The following GARRE1 variants were observed in gnomAD, a reference collection of about 807,000 sequenced individuals.
GARRE1 encodes granule associated Rac and RHOG effector protein 1.
Under a neutral mutation model 103.2 loss-of-function variants are expected in GARRE1, and 49 were observed. The ratio of observed to expected loss-of-function variants is 0.47; its 90% confidence interval spans 0.38 to 0.60. The LOEUF is 0.60. Ranked by LOEUF, GARRE1 falls within the 20% of genes least tolerant of loss-of-function variation. GARRE1 has a pLI of 0.00. For synonymous variants in GARRE1, 505 were observed against 532.8 expected, an observed-to-expected ratio of 0.95 and a Z score of 0.72; for missense variants, 1,199 against 1,370.5, an observed-to-expected ratio of 0.87 and a Z score of 1.98.
At chr19:34,345,127 C>T (rs1194372428) in intron 10 of GARRE1, among the ~76,000 whole-genome samples, 3 of 151,688 alleles carry the variant, frequency 2.0e-5, no homozygotes, top group African/African-American at 4.8e-5. Flanking sequence ...CATGAGCCAC[C>T]GCGCCCATAG....
At chr19:34,338,006 G>A (rs2074168847) in intron 8 of GARRE1, among the ~76,000 whole-genome samples, 1 of 152,164 alleles carries the variant, frequency 6.6e-6, no homozygotes, top group Non-Finnish European at 1.5e-5. Flanking sequence ...GGTCTAGCTG[G>A]GCACTAGCAG....
intron 1 of GARRE1, among the ~76,000 whole-genome samples, chr19:34,292,394 G>A (rs1334096863): frequency 1.3e-5 from 2 of 152,044 alleles, no homozygotes; most frequent in African/African-American, 2.4e-5. Context: ...CAATTGGGTC[G>A]TTACTACTTT....
intron 9 of GARRE1, among the ~76,000 whole-genome samples, 180 bp downstream of exon 9, chr19:34,340,172 A>C (rs2145278283): frequency 6.6e-6 from 1 of 152,284 alleles, no homozygotes; most frequent in Middle Eastern, 3.4e-3. Flanking sequence ...AATAATACAA[A>C]GAACTGCTCC....
At chr19:34,296,333 A>G in intron 1 of GARRE1, 5 of 947,120 alleles carry the variant, frequency 5.3e-6, no homozygotes, top group Non-Finnish European at 6.7e-6. Flanking sequence ...CTGGAACTGA[A>G]GCTGGAGCTG....
intron 5 of GARRE1, 52 bp from the exon 6 acceptor site, chr19:34,327,938 T>C: frequency 6.2e-7 from 1 of 1,613,866 alleles, no homozygotes; most frequent in Non-Finnish European, 8.5e-7. Flanking sequence ...ACCAAGTGTT[T>C]TGACAGATGA....
chr19:34,316,049 A>G (rs1452210395), intron 2 of GARRE1, among the ~76,000 whole-genome samples: 2 of 152,210 alleles, frequency 1.3e-5, no homozygotes, highest in African/African-American at 2.4e-5. Flanking sequence ...ATAGGTAGAA[A>G]GAGTAGCCTG....
chr19:34,256,490 A>G (rs1222416175), intron 1 of GARRE1, among the ~76,000 whole-genome samples: 2 of 151,490 alleles, frequency 1.3e-5, no homozygotes, highest in Non-Finnish European at 2.9e-5. Flanking sequence ...ACTGCGCTCC[A>G]GCCTGGGCAA....
At chr19:34,342,928 T>C (rs1320370507) in intron 10 of GARRE1, among the ~76,000 whole-genome samples, 1 of 151,556 alleles carries the variant, frequency 6.6e-6, no homozygotes, top group Non-Finnish European at 1.5e-5. Flanking sequence ...GGCTAGACAA[T>C]GAAAATACCA....
intron 2 of GARRE1, among the ~76,000 whole-genome samples, chr19:34,318,199 C>T (rs918046410): frequency 1.3e-5 from 2 of 152,194 alleles, no homozygotes; most frequent in African/African-American, 4.8e-5. Context: ...CAAGAAGAAA[C>T]AGCTCTGACT....
intron 8 of GARRE1, among the ~76,000 whole-genome samples, chr19:34,337,656 T>A (rs899936834): frequency 9.2e-5 from 14 of 152,176 alleles, no homozygotes; most frequent in African/African-American, 2.9e-4. Context: ...GTAGAGGGTT[T>A]TAGGCAAGTC....
intron 10 of GARRE1, among the ~76,000 whole-genome samples, chr19:34,344,262 T>C (rs1599782184): frequency 3.3e-5 from 5 of 152,288 alleles, no homozygotes; most frequent in African/African-American, 1.2e-4. Flanking sequence ...CAAATAAGTA[T>C]AGCAAATACT....
At chr19:34,317,518 C>A (rs2074065569) in intron 2 of GARRE1, among the ~76,000 whole-genome samples, 1 of 152,174 alleles carries the variant, frequency 6.6e-6, no homozygotes, top group Non-Finnish European at 1.5e-5. Flanking sequence ...CTCACTCCCC[C>A]TCCCTGTGTC....
chr19:34,307,210 C>T (rs550017217), intron 2 of GARRE1, among the ~76,000 whole-genome samples: 281 of 152,220 alleles, frequency 1.8e-3, no homozygotes, highest in Middle Eastern at 3.4e-3. Flanking sequence ...AGGTGAGGTA[C>T]ACCTCTGAAG....
At chr19:34,336,996 T>C (rs1188481032) in intron 8 of GARRE1, among the ~76,000 whole-genome samples, 1 of 152,150 alleles carries the variant, frequency 6.6e-6, no homozygotes, top group Non-Finnish European at 1.5e-5. Flanking sequence ...TGTGATTTCT[T>C]GTAGAGGTGC....
chr19:34,312,888 T>G (rs2074043476), intron 2 of GARRE1, among the ~76,000 whole-genome samples: 1 of 151,968 alleles, frequency 6.6e-6, no homozygotes, highest in African/African-American at 2.4e-5. Flanking sequence ...GATCGTGCCA[T>G]TGCACTCCAG....
intron 2 of GARRE1, among the ~76,000 whole-genome samples, chr19:34,306,961 A>C (rs1358814829): frequency 6.6e-6 from 1 of 152,038 alleles, no homozygotes; most frequent in Non-Finnish European, 1.5e-5. Flanking sequence ...GTGACATTCG[A>C]GTAAAGGCCT....
intron 3 of GARRE1, among the ~76,000 whole-genome samples, chr19:34,321,398 A>G (rs1284368763): frequency 6.6e-6 from 1 of 150,748 alleles, no homozygotes; most frequent in African/African-American, 2.4e-5. Flanking sequence ...CTAGATCCTC[A>G]TTTGTCAGTG....
chr19:34,342,101 T>A lies in GARRE1; in HGVS notation c.2167T>A (p.Ser723Thr). The A allele has an allele frequency of 6.2e-6, 10 of 1,613,880 alleles. No homozygotes were observed. Among genetic ancestry groups the A allele is most frequent in the Non-Finnish European group, 8.5e-6 (10 of 1,179,966 alleles). The change falls in exon 10 of 14, where the codon TCC (serine) becomes ACC (threonine). Residue 723 changes from serine (S) to threonine (T), a missense_variant. By Grantham distance (58) the Ser-to-Thr change is moderately conservative. Transcript: ENST00000299505. The stretch of plus-strand genomic sequence containing the variant: ...GCCGGGACTGGCACCTCAGCAGCAG[T>A]CCCCAAAGCAGCAACAACCTCAAGT... ...PQPGLAPQQQSPKQQQPQVQY... is the reference protein window; with the variant it reads ...PQPGLAPQQQTPKQQQPQVQY...
Position 34,352,793 on chromosome 19 carries a change from C to A in GARRE1, c.3051C>A (p.Ser1017=), listed in dbSNP as rs375461109. 4.9e-5 allele frequency: 79 copies of A among 1,613,932 alleles called. No homozygotes were observed. The highest frequency in any genetic ancestry group is 6.4e-5 in the Non-Finnish European group (75 of 1,180,024). The part of the protein sequence containing the change: ...QWNDTMQMLQ[S]PVWAATNDCS... ...ACGACACCATGCAGATGCTGCAGTC[C>A]CCAGTGTGGGCCGCAACCAACGACT... Residue 1017 remains serine, a synonymous_variant, in exon 14 of 14, where the codon TCC becomes TCA. Coordinates refer to ENST00000299505, the MANE Select transcript of GARRE1 (RefSeq NM_014686.5).
Sources: allele counts gnomAD v4.1 joint callset (sites outside exome capture counted in the v4.1 genomes callset), GRCh38; gene constraint gnomAD v4.1.1; transcripts MANE v1.5; gene names NCBI Gene and HGNC (gene_info 2026-07-23, HGNC 2026-07-21).